WAC: variants seen among roughly 807,000 people sequenced by gnomAD.
WAC encodes the protein WW domain containing adaptor with coiled-coil.
In WAC, 11 loss-of-function variants were observed where a neutral mutation model predicts 79.6. The ratio of observed to expected loss-of-function variants is 0.14; its 90% confidence interval spans 0.09 to 0.23. The LOEUF is 0.23. Ranked by LOEUF, WAC falls within the 10% of genes least tolerant of loss-of-function variation. The pLI is 1.00. For missense variants in WAC, 728 were observed against 773.5 expected (o/e 0.94, Z 0.70); for synonymous variants, 304 against 276.9 (o/e 1.10, Z -0.97).
chr10:28,538,022 C>G (rs12253291), intron 3 of WAC, among the ~76,000 whole-genome samples: 3,458 of 152,164 alleles, frequency 0.023, 143 homozygotes, highest in African/African-American at 0.078. Flanking sequence ...TCTAACATAC[C>G]TGGCTGCCAT....
intron 3 of WAC, among the ~76,000 whole-genome samples, chr10:28,543,565 T>G (rs978869858): frequency 6.6e-6 from 1 of 152,248 alleles, no homozygotes; most frequent in Admixed American, 6.5e-5. Context: ...TTGGCCTGTC[T>G]GGCTTTTACA....
At chr10:28,537,362 T>C (rs1411355905) in intron 3 of WAC, among the ~76,000 whole-genome samples, 1 of 152,246 alleles carries the variant, frequency 6.6e-6, no homozygotes. Context: ...TCATTTCTAA[T>C]GTTAGCTCTT....
At chr10:28,541,369 A>G (rs1837012447) in intron 3 of WAC, among the ~76,000 whole-genome samples, 1 of 147,126 alleles carries the variant, frequency 6.8e-6, no homozygotes, top group African/African-American at 2.5e-5. Context: ...CTCATTGTCA[A>G]TTTGATAATT....
chr10:28,568,790 T>C (rs1016221556), intron 3 of WAC, among the ~76,000 whole-genome samples: 2 of 152,138 alleles, frequency 1.3e-5, no homozygotes, highest in Non-Finnish European at 2.9e-5. Context: ...ACCAGGCTGC[T>C]CTTGAACTCC....
At chr10:28,616,817 C>T (rs993457097) in intron 12 of WAC, among the ~76,000 whole-genome samples, 2 of 152,214 alleles carry the variant, frequency 1.3e-5, no homozygotes, top group Non-Finnish European at 2.9e-5. Flanking sequence ...GTGGCTCATA[C>T]CTGTAATCCC....
intron 8 of WAC, among the ~76,000 whole-genome samples, chr10:28,608,968 G>T (rs1841092608): frequency 6.6e-6 from 1 of 152,016 alleles, no homozygotes; most frequent in Non-Finnish European, 1.5e-5. Context: ...TTCCAGCCTT[G>T]CTTTTCAGTA....
At chr10:28,601,054 C>T (rs1840619370) in intron 7 of WAC, among the ~76,000 whole-genome samples, 1 of 151,698 alleles carries the variant, frequency 6.6e-6, no homozygotes, top group Non-Finnish European at 1.5e-5. Flanking sequence ...ATATGATAAC[C>T]AGAGCACAGG....
intron 3 of WAC, among the ~76,000 whole-genome samples, chr10:28,548,080 C>G (rs1166714999): frequency 6.6e-6 from 1 of 151,840 alleles, no homozygotes; most frequent in Non-Finnish European, 1.5e-5. Flanking sequence ...GCCACCATGC[C>G]TGGCTAATTT....
intron 7 of WAC, among the ~76,000 whole-genome samples, chr10:28,604,267 T>C (rs529837432): frequency 6.6e-6 from 1 of 150,628 alleles, no homozygotes; most frequent in East Asian, 2.0e-4. Flanking sequence ...TTTAGCATTA[T>C]CAGTTTTGAG....
intron 7 of WAC, among the ~76,000 whole-genome samples, chr10:28,604,279 C>T (rs1029619432): frequency 6.7e-6 from 1 of 150,048 alleles, no homozygotes; most frequent in African/African-American, 2.5e-5. Context: ...AGTTTTGAGG[C>T]CAATCAAGAT....
intron 3 of WAC, chr10:28,538,307 G>A: frequency 6.0e-6 from 2 of 333,552 alleles, no homozygotes; most frequent in South Asian, 2.2e-5. Flanking sequence ...ATTCAGGCCG[G>A]GTCAGTGGCT....
At chr10:28,586,935 T>TA (rs1335700778) in intron 4 of WAC, among the ~76,000 whole-genome samples, 1 of 152,200 alleles carries the variant, frequency 6.6e-6, no homozygotes, top group Non-Finnish European at 1.5e-5. Flanking sequence ...CTCATCTTGT[T>TA]ATCAACTAAG....
intron 3 of WAC, among the ~76,000 whole-genome samples, chr10:28,543,383 A>G (rs1837169105): frequency 6.6e-6 from 1 of 152,266 alleles, no homozygotes; most frequent in African/African-American, 2.4e-5. Context: ...TAAAAACTAT[A>G]ATGACATACT....
Position 28,608,298 on chromosome 10 carries a change from T to C in WAC, c.1032T>C (p.Pro344=), listed in dbSNP as rs753011233. The stretch of plus-strand genomic sequence containing the variant: ...CTCCAACATCTGCTTCAGCGGTCCC[T>C]GTTTCTCCTGTTCCACAGTCGCCAA... ...SAPPTSASAV[P]VSPVPQSPIP... is the part of the protein sequence containing the mutation. Residue 344 remains proline (P), a synonymous_variant, in exon 8 of 14, where the codon CCT becomes CCC. Transcript: ENST00000354911. 1.2e-5 allele frequency: 19 copies of C among 1,614,192 alleles called. No homozygotes were observed. The highest frequency in any genetic ancestry group is 3.3e-5 in the Admixed American group (2 of 60,012).
At chr10:28,577,987 C>T (rs902719097) in intron 3 of WAC, among the ~76,000 whole-genome samples, 33 of 152,180 alleles carry the variant, frequency 2.2e-4, no homozygotes, top group African/African-American at 7.9e-4. Context: ...ACAAAGTGAA[C>T]GTCTCTACTA....
At chr10:28,546,000 T>G (rs1837331383) in intron 3 of WAC, among the ~76,000 whole-genome samples, 2 of 152,236 alleles carry the variant, frequency 1.3e-5, no homozygotes, top group Non-Finnish European at 2.9e-5. Flanking sequence ...TAGGCTGATC[T>G]TAGGTGTTAA....
In WAC at chr10:28,596,072, G is replaced by A. The variant is rs1323667394; in HGVS notation, c.919+31G>A. ...CCATTATTACTAGATGCTGCACGTT[G>A]AACTATAGTTTCTAAGTTTCTTCTA... On this transcript the variant is annotated intron_variant, in intron 7 of 13. Coordinates refer to ENST00000354911, the MANE Select transcript of WAC (RefSeq NM_016628.5). The A allele has an allele frequency of 1.9e-6, 3 of 1,574,952 alleles. No individual in the cohort carries two copies. In the Admixed American group the frequency reaches 5.6e-5, roughly 29 times the overall value.
At chr10:28,611,613 A>G in intron 9 of WAC, 161 bp from the exon 10 acceptor site, 3 of 1,226,840 alleles carry the variant, frequency 2.4e-6, no homozygotes, top group Non-Finnish European at 3.3e-6. Context: ...GCCCAGTGAG[A>G]AGGTCAGATT....
At chr10:28,587,526 A>G (rs147696945) in intron 4 of WAC, among the ~76,000 whole-genome samples, 124 of 152,358 alleles carry the variant, frequency 8.1e-4, no homozygotes, top group African/African-American at 2.9e-3. Flanking sequence ...TTTAGAGCAT[A>G]TATTGGCAAC....
Sources: gnomAD v4.1 joint callset for allele counts (sites outside exome capture counted in the v4.1 genomes callset) on GRCh38, gnomAD v4.1.1 for gene constraint, MANE v1.5 for transcripts, NCBI Gene and HGNC (gene_info 2026-07-23, HGNC 2026-07-21) for gene names.